The following MTUS1 variants were observed in gnomAD, a reference collection of about 807,000 sequenced individuals.
MTUS1 encodes the protein microtubule associated scaffold protein 1.
MTUS1 carries 109 observed loss-of-function variants against 120.8 expected under a neutral mutation model. The observed-to-expected ratio is 0.90, with a 90% CI of 0.77 to 1.06. MTUS1 has a LOEUF of 1.06. Among genes scored for constraint, MTUS1 ranks in the 50% least tolerant of loss-of-function variants. The pLI, the probability that MTUS1 is intolerant of heterozygous loss-of-function variation, is 0.00. For synonymous variants in MTUS1, 737 were observed against 550.5 expected (o/e 1.34, Z -4.74); for missense variants, 2,210 against 1,486.3 (o/e 1.49, Z -8.01).
intron 4 of MTUS1, among the ~76,000 whole-genome samples, chr8:17,719,545 G>A (rs1190027671): frequency 6.6e-6 from 1 of 152,222 alleles, no homozygotes; most frequent in Non-Finnish European, 1.5e-5. Context: ...CCATTCAGAA[G>A]TGCGTAAGTA....
intron 1 of MTUS1, among the ~76,000 whole-genome samples, chr8:17,769,346 A>ATTT (rs34688586): frequency 9.4e-6 from 1 of 106,026 alleles, no homozygotes; most frequent in Non-Finnish European, 1.9e-5. Flanking sequence ...TTAGTCAGTA[A>ATTT]TTTTTTTTTT....
At chr8:17,775,522 C>T (rs1032173654) in intron 1 of MTUS1, among the ~76,000 whole-genome samples, 6 of 152,180 alleles carry the variant, frequency 3.9e-5, no homozygotes, top group African/African-American at 9.6e-5. Flanking sequence ...GCTAGATGGT[C>T]GCACAGAAAG....
intron 6 of MTUS1, among the ~76,000 whole-genome samples, chr8:17,694,353 C>A (rs1244151477): frequency 6.6e-6 from 1 of 152,116 alleles, no homozygotes; most frequent in East Asian, 1.9e-4. Flanking sequence ...GTGGATAAAT[C>A]AGGACAAGTA....
chr8:17,715,550 G>A (rs1822153400), intron 5 of MTUS1, among the ~76,000 whole-genome samples: 1 of 152,046 alleles, frequency 6.6e-6, no homozygotes, highest in African/African-American at 2.4e-5. Context: ...CCTTTGTTCT[G>A]CCTGCTGACT....
chr8:17,780,042 G>C, intron 1 of MTUS1, among the ~76,000 whole-genome samples: 1 of 152,174 alleles, frequency 6.6e-6, no homozygotes. Context: ...CCTGGTGGGA[G>C]ATGACTGGGT....
At chr8:17,697,437 C>T in intron 6 of MTUS1, 2 of 1,596,704 alleles carry the variant, frequency 1.3e-6, no homozygotes, top group South Asian at 1.1e-5. Context: ...CTGTCACATA[C>T]TGTCTTTTTA....
chr8:17,674,828 G>A (rs74387930), intron 8 of MTUS1: 2 of 1,072,622 alleles, frequency 1.9e-6, no homozygotes, highest in African/African-American at 3.3e-5. Context: ...TATCAAGAGG[G>A]GAAACTTTCA....
At chr8:17,730,041 G>A (rs571373001) in intron 3 of MTUS1, among the ~76,000 whole-genome samples, 10 of 151,110 alleles carry the variant, frequency 6.6e-5, no homozygotes, top group South Asian at 6.3e-4. Context: ...GCAAGGACAC[G>A]GAGAAACTGG....
chr8:17,746,839 T>C (rs923009023), intron 2 of MTUS1, among the ~76,000 whole-genome samples: 1 of 152,200 alleles, frequency 6.6e-6, no homozygotes, highest in African/African-American at 2.4e-5. Flanking sequence ...TACCCCATTT[T>C]AAAGAACAAG....
chr8:17,723,755 AAAG>A lies in MTUS1; in HGVS notation c.2363_2365del (p.Ser788del), dbSNP rs759427312. Reference sequence around the variant, plus strand: ...TGTCCTCCGCAGCGCAGGACTTTTCAAAGATGCTTTGGATTTAGGAAGTGGTCT... The same window carrying A: ...TGTCCTCCGCAGCGCAGGACTTTTCAATGCTTTGGATTTAGGAAGTGGTCT... On this transcript the variant is annotated inframe_deletion, in exon 4 of 15. Coordinates refer to ENST00000693296, the MANE Select transcript of MTUS1 (RefSeq NM_001363059.2). 1 of 1,610,680 alleles carries A rather than the reference AAAG, an allele frequency of 6.2e-7. No individual in the cohort carries two copies. The highest frequency in any genetic ancestry group is 8.5e-7 in the Non-Finnish European group (1 of 1,177,732).
intron 14 of MTUS1, among the ~76,000 whole-genome samples, chr8:17,646,352 C>G (rs1256401239): frequency 1.3e-5 from 2 of 152,092 alleles, no homozygotes; most frequent in East Asian, 3.9e-4. Context: ...CCTTGGGAGG[C>G]CAAGGTGGGT....
chr8:17,772,405 T>C (rs1458125183), intron 1 of MTUS1, among the ~76,000 whole-genome samples: 1 of 152,202 alleles, frequency 6.6e-6, no homozygotes, highest in Non-Finnish European at 1.5e-5. Flanking sequence ...GTTTTCAATA[T>C]CCCTACTGAC....
intron 8 of MTUS1, among the ~76,000 whole-genome samples, chr8:17,657,933 G>T (rs946435572): frequency 6.7e-6 from 1 of 149,780 alleles, no homozygotes; most frequent in Non-Finnish European, 1.5e-5. Flanking sequence ...ATGTGTACAT[G>T]TGTATATATG....
At chr8:17,786,528 T>C (rs986609739) in intron 1 of MTUS1, among the ~76,000 whole-genome samples, 2 of 149,618 alleles carry the variant, frequency 1.3e-5, no homozygotes, top group African/African-American at 4.9e-5. Context: ...CAAGGAGATA[T>C]TTATCTGCAA....
intron 13 of MTUS1, among the ~76,000 whole-genome samples, chr8:17,649,121 C>T (rs1481880463): frequency 5.9e-5 from 9 of 151,688 alleles, no homozygotes; most frequent in Admixed American, 5.9e-4. Context: ...TGGAGTCTTG[C>T]TATGTCGCCC....
At chr8:17,697,496 T>C in intron 6 of MTUS1, 2 of 1,446,306 alleles carry the variant, frequency 1.4e-6, no homozygotes, top group Non-Finnish European at 1.8e-6. Flanking sequence ...GAAAGATGCC[T>C]ACACAGCAAA....
Position 17,749,725 on chromosome 8 carries a change from C to T in MTUS1, c.2091+3992G>A, listed in dbSNP as rs138357085. 5.9e-3 allele frequency among the ~76,000 whole-genome samples: 902 copies of T among 151,822 alleles called. 6 individuals are homozygous for T. Among genetic ancestry groups the T allele is most frequent in the African/African-American group, 0.02 (830 of 41,432 alleles). ...TTTAAATCTGCCTGTGACCTGGAAG[C>T]TGCCTCCACTTCCAGTTGTCTCTCC... On this transcript the variant is annotated intron_variant, in intron 2 of 14. Transcript: ENST00000693296.
At chr8:17,722,472 C>T (rs889489115) in intron 4 of MTUS1, 2 of 985,254 alleles carry the variant, frequency 2.0e-6, no homozygotes, top group Admixed American at 1.2e-4. Flanking sequence ...TTGTGCCACA[C>T]CTTCAAAATT....
intron 3 of MTUS1, among the ~76,000 whole-genome samples, chr8:17,733,370 A>C (rs1461295710): frequency 1.3e-5 from 2 of 151,928 alleles, no homozygotes; most frequent in African/African-American, 4.8e-5. Flanking sequence ...AAAAAAAAAA[A>C]AACAGCAGAC....
Sources: allele counts gnomAD v4.1 joint callset (sites outside exome capture counted in the v4.1 genomes callset), GRCh38; gene constraint gnomAD v4.1.1; transcripts MANE v1.5; gene names NCBI Gene and HGNC (gene_info 2026-07-23, HGNC 2026-07-21).